The following ADAMTS20 variants were observed in gnomAD, a reference collection of about 807,000 sequenced individuals.
ADAMTS20 encodes ADAM metallopeptidase with thrombospondin type 1 motif 20, also known as A disintegrin and metalloproteinase with thrombospondin motifs 20.
In ADAMTS20, 225 loss-of-function variants were observed where a neutral mutation model predicts 260.1. That is an observed-to-expected ratio of 0.87 (90% confidence interval 0.78 to 0.97). ADAMTS20 has a LOEUF of 0.97. ADAMTS20 is among the 50% of genes least tolerant of loss of function. ADAMTS20 has a pLI of 0.00. For missense variants in ADAMTS20, 2,400 were observed against 2,337.7 expected (o/e 1.03, Z -0.55); for synonymous variants, 802 against 769.5 (o/e 1.04, Z -0.70).
chr12:43,438,464 G>C (rs116030368), intron 18 of ADAMTS20, among the ~76,000 whole-genome samples: 2 of 152,014 alleles, frequency 1.3e-5, no homozygotes, highest in South Asian at 4.2e-4. Context: ...TATTATCCCC[G>C]TCTATCTTGC....
In ADAMTS20 at chr12:43,440,139, C is replaced by CTTTT. The variant is rs35606718; in HGVS notation, c.2291-74_2291-71dup. ...AACAATACAGAAAACACTTGTTTAACTTTTTTTTTTTTTTTTTTTTTTGAG... is the reference window on the plus strand; with the variant it reads ...AACAATACAGAAAACACTTGTTTAACTTTTTTTTTTTTTTTTTTTTTTTTTTGAG... On this transcript the variant is annotated intron_variant, in intron 16 of 38. Coordinates refer to ENST00000389420, the MANE Select transcript of ADAMTS20 (RefSeq NM_025003.5). 274 of 556,988 alleles carry CTTTT rather than the reference C, an allele frequency of 4.9e-4. No individual in the cohort carries two copies. The Admixed American group carries it at 8.9e-3, about 18-fold the overall frequency. The allele number at this position is 556,988 out of a possible 1,614,324, so 34.5% of individuals were successfully genotyped here.
At chr12:43,410,374 C>T (rs890645311) in intron 28 of ADAMTS20, among the ~76,000 whole-genome samples, 2 of 151,996 alleles carry the variant, frequency 1.3e-5, no homozygotes, top group Non-Finnish European at 2.9e-5. Context: ...GCTGTTCAAG[C>T]CCTTAAGGAA....
rs76137195 is a variant in ADAMTS20 at position 43,501,842 on chromosome 12, C to T, written c.867+310G>A. Among the ~76,000 whole-genome samples the T allele has an allele frequency of 5.3e-5, 8 of 152,204 alleles. No individual in the cohort carries two copies. The East Asian group carries it at 1.2e-3, about 22-fold the overall frequency. On this transcript the variant is annotated intron_variant, in intron 4 of 38. Coordinates refer to ENST00000389420, the MANE Select transcript of ADAMTS20 (RefSeq NM_025003.5). The stretch of plus-strand genomic sequence containing the variant: ...ATTCAGTTTCAAAGAGCAAAAAGAT[C>T]AATGCAACTAGGATAGTCCTGTCAC...
chr12:43,478,790 C>T (rs1448384649), intron 7 of ADAMTS20, among the ~76,000 whole-genome samples: 1 of 152,076 alleles, frequency 6.6e-6, no homozygotes, highest in Non-Finnish European at 1.5e-5. Context: ...AGAGTATTTG[C>T]CTGTTAAATC....
At chr12:43,501,481 G>GCGCGCACACACACACA (rs373746834) in intron 4 of ADAMTS20, among the ~76,000 whole-genome samples, 42 of 117,856 alleles carry the variant, frequency 3.6e-4, no homozygotes, top group Middle Eastern at 5.2e-3. Context: ...GCGCGCGCGC[G>GCGCGCACACACACACA]CACACACACA....
chr12:43,454,395 T>C (rs1592077694), intron 11 of ADAMTS20, among the ~76,000 whole-genome samples: 1 of 152,226 alleles, frequency 6.6e-6, no homozygotes, highest in African/African-American at 2.4e-5. Flanking sequence ...TCCATTTTTT[T>C]ACTCAAAGTA....
At chr12:43,374,465 G>A (rs1940178233) in intron 36 of ADAMTS20, among the ~76,000 whole-genome samples, 3 of 152,144 alleles carry the variant, frequency 2.0e-5, no homozygotes, top group Admixed American at 6.5e-5. Context: ...AGGTGCATAT[G>A]AAGTTCTATA....
chr12:43,479,059 G>C (rs1343104386), intron 7 of ADAMTS20, among the ~76,000 whole-genome samples: 2 of 152,262 alleles, frequency 1.3e-5, no homozygotes, highest in African/African-American at 4.8e-5. Flanking sequence ...GAGAGTTGAA[G>C]AACTGGTTGT....
At chr12:43,354,793 C>T (rs1173175934) in intron 38 of ADAMTS20, among the ~76,000 whole-genome samples, 1 of 152,088 alleles carries the variant, frequency 6.6e-6, no homozygotes, top group Admixed American at 6.5e-5. Context: ...TAGAAACACA[C>T]TCTGGAGAAA....
chr12:43,462,095 G>T (rs533713397), intron 11 of ADAMTS20, among the ~76,000 whole-genome samples: 113 of 152,324 alleles, frequency 7.4e-4, no homozygotes, highest in African/African-American at 2.4e-3. Context: ...AAGGAAGCAA[G>T]AAGTGGTAAA....
chr12:43,501,481 G>GCGCCCACA, intron 4 of ADAMTS20, among the ~76,000 whole-genome samples: 1 of 117,860 alleles, frequency 8.5e-6, no homozygotes, highest in African/African-American at 3.1e-5. Context: ...GCGCGCGCGC[G>GCGCCCACA]CACACACACA....
chr12:43,391,428 T>C (rs1218191730), intron 29 of ADAMTS20, among the ~76,000 whole-genome samples: 1 of 152,188 alleles, frequency 6.6e-6, no homozygotes, highest in African/African-American at 2.4e-5. Context: ...CTCCTGGGGA[T>C]GAAGGAGGAC....
At chr12:43,512,408 A>AT (rs1942937662) in intron 3 of ADAMTS20, among the ~76,000 whole-genome samples, 1 of 151,104 alleles carries the variant, frequency 6.6e-6, no homozygotes, top group Admixed American at 6.6e-5. Flanking sequence ...TAAACTGCCT[A>AT]TTGTAATATA....
In ADAMTS20 at chr12:43,356,524, G is replaced by C; in HGVS notation, c.5603C>G (p.Thr1868Ser). 6.2e-7 allele frequency: 1 copy of C among 1,611,516 alleles called. No homozygotes were observed. Among genetic ancestry groups the C allele is most frequent in the South Asian group, 1.1e-5 (1 of 90,374 alleles). The change falls in exon 38 of 39, where the codon ACT becomes AGT. Residue 1868 changes from threonine (T) to serine (S), a missense_variant. Transcript: ENST00000389420. The stretch of plus-strand genomic sequence containing the variant: ...GCTGACAGAGGTATAACTCCCCTGA[G>C]TGAGCCACTTTGCTGTGCTGGATAT... ...MKISSTAKWL[T>S]QGSYTSVSIR...
At chr12:43,425,744 T>C in intron 27 of ADAMTS20, 54 bp from the exon 28 acceptor site, 1 of 1,233,372 alleles carries the variant, frequency 8.1e-7, no homozygotes, top group South Asian at 1.9e-5. Context: ...GAATAATGTA[T>C]TGCTTCATTC....
intron 37 of ADAMTS20, among the ~76,000 whole-genome samples, chr12:43,366,417 A>G (rs913070493): frequency 6.6e-5 from 10 of 151,926 alleles, no homozygotes; most frequent in Non-Finnish European, 1.5e-4. Context: ...AGAACTAAGC[A>G]GAAGATCAAC....
intron 22 of ADAMTS20, among the ~76,000 whole-genome samples, 152 bp from the exon 23 acceptor site, chr12:43,430,623 C>T (rs1244926663): frequency 6.6e-6 from 1 of 151,796 alleles, no homozygotes; most frequent in Non-Finnish European, 1.5e-5. Context: ...AGAGCAAATT[C>T]AATAAATATG....
chr12:43,393,937 C>A (rs538867283), intron 29 of ADAMTS20, among the ~76,000 whole-genome samples: 2 of 152,160 alleles, frequency 1.3e-5, no homozygotes, highest in East Asian at 3.9e-4. Context: ...GCAATATTAG[C>A]AAATATTCTC....
At chr12:43,427,568 A>T in intron 26 of ADAMTS20, 99 bp from the exon 27 acceptor site, 11 of 1,171,310 alleles carry the variant, frequency 9.4e-6, no homozygotes, top group Non-Finnish European at 1.3e-5. Context: ...AATCAAAATC[A>T]AACCCTACAT....
Sources: allele counts gnomAD v4.1 joint callset (sites outside exome capture counted in the v4.1 genomes callset), GRCh38; gene constraint gnomAD v4.1.1; transcripts MANE v1.5; gene names NCBI Gene and HGNC (gene_info 2026-07-23, HGNC 2026-07-21).